DLG2: variants seen among roughly 807,000 people sequenced by gnomAD.
DLG2 encodes the protein disks large homolog 2.
Under a neutral mutation model 132.5 loss-of-function variants are expected in DLG2, and 45 were observed. That is an observed-to-expected ratio of 0.34 (90% CI 0.27 to 0.44). The LOEUF is 0.44. Ranked by LOEUF, DLG2 falls within the 20% of genes least tolerant of loss-of-function variation. The probability of loss-of-function intolerance (pLI) is 1.00; values close to 1 mark genes in which losing one functional copy is unlikely to be tolerated. For missense variants in DLG2, 1,045 were observed against 1,196.9 expected (o/e 0.87, Z 1.87); for synonymous variants, 424 against 419.6 (o/e 1.01, Z -0.13).
intron 3 of DLG2, among the ~76,000 whole-genome samples, chr11:85,330,757 C>T (rs2081648846): frequency 9.1e-6 from 1 of 109,924 alleles, no homozygotes; most frequent in Non-Finnish European, 1.8e-5. Flanking sequence ...TGCACATGTA[C>T]CCTAAAACTT....
At chr11:84,182,268 G>C (rs1462234721) in intron 8 of DLG2, among the ~76,000 whole-genome samples, 1 of 151,934 alleles carries the variant, frequency 6.6e-6, no homozygotes, top group African/African-American at 2.4e-5. Context: ...ATGGGTAAAA[G>C]AAGAAATCTG....
intron 18 of DLG2, among the ~76,000 whole-genome samples, chr11:83,690,927 C>T (rs1043137498): frequency 1.2e-4 from 18 of 152,166 alleles, no homozygotes; most frequent in African/African-American, 4.1e-4. Flanking sequence ...TTGTCTATGG[C>T]TGCTTTTGCA....
chr11:85,401,945 C>G (rs1384914812), intron 3 of DLG2, among the ~76,000 whole-genome samples: 1 of 151,568 alleles, frequency 6.6e-6, no homozygotes. Flanking sequence ...AATGCCATCC[C>G]CATCAAGCTA....
chr11:83,989,875 C>A (rs759796248), intron 11 of DLG2, among the ~76,000 whole-genome samples: 1 of 152,026 alleles, frequency 6.6e-6, no homozygotes, highest in African/African-American at 2.4e-5. Flanking sequence ...ATACTGATTT[C>A]GGGGAAGTGA....
intron 3 of DLG2, among the ~76,000 whole-genome samples, chr11:85,379,069 G>C (rs1001449900): frequency 5.3e-5 from 8 of 152,082 alleles, no homozygotes; most frequent in African/African-American, 1.9e-4. Context: ...GCAAATCATT[G>C]AAATATTTCA....
Position 85,046,394 on chromosome 11 carries a change from G to T in DLG2, c.357+65267C>A, listed in dbSNP as rs372121183. On this transcript the variant is annotated intron_variant, in intron 6 of 27. Coordinates refer to ENST00000376104, the MANE Select transcript of DLG2 (RefSeq NM_001142699.3). ...CATAGAAATGGAATTATGAGGATAGGCTAGAAACTTTTCAGATGAGGCAAA... is the reference window on the plus strand; with the variant it reads ...CATAGAAATGGAATTATGAGGATAGTCTAGAAACTTTTCAGATGAGGCAAA... Among the ~76,000 whole-genome samples the T allele has an allele frequency of 1.4e-4, 21 of 152,044 alleles. No homozygotes were observed. The East Asian group carries it at 3.7e-3, about 27-fold the overall frequency.
At chr11:84,429,352 C>G (rs942321163) in intron 7 of DLG2, among the ~76,000 whole-genome samples, 1 of 152,136 alleles carries the variant, frequency 6.6e-6, no homozygotes, top group Non-Finnish European at 1.5e-5. Flanking sequence ...TGCAGATGAA[C>G]TCAGGCCCAT....
chr11:83,608,229 C>T (rs2059616562), intron 19 of DLG2, among the ~76,000 whole-genome samples: 1 of 152,090 alleles, frequency 6.6e-6, no homozygotes, highest in Non-Finnish European at 1.5e-5. Flanking sequence ...TTAGCCTAGC[C>T]TACATTAAAT....
intron 3 of DLG2, among the ~76,000 whole-genome samples, chr11:85,325,052 C>T (rs1254487664): frequency 2.1e-5 from 3 of 140,740 alleles, no homozygotes; most frequent in Non-Finnish European, 3.1e-5. Flanking sequence ...CCGAATATTG[C>T]GCTTTTCAGA....
intron 18 of DLG2, among the ~76,000 whole-genome samples, chr11:83,730,148 T>G (rs957476062): frequency 2.0e-5 from 2 of 97,684 alleles, no homozygotes; most frequent in Non-Finnish European, 5.3e-5. Flanking sequence ...TTTTTATGGT[T>G]TTTTTTTTTT....
At chr11:84,422,131 C>T (rs2098953014) in intron 7 of DLG2, among the ~76,000 whole-genome samples, 1 of 152,192 alleles carries the variant, frequency 6.6e-6, no homozygotes, top group African/African-American at 2.4e-5. Flanking sequence ...AATTATGTCT[C>T]TTTTATTTTT....
chr11:84,252,986 G>C (rs999673631), intron 7 of DLG2, among the ~76,000 whole-genome samples: 1 of 152,092 alleles, frequency 6.6e-6, no homozygotes, highest in Non-Finnish European at 1.5e-5. Context: ...TAGCAATCCA[G>C]CAGGTTTTAC....
Position 84,892,275 on chromosome 11 carries a change from C to T in DLG2, c.357+219386G>A, listed in dbSNP as rs150390891. Among the ~76,000 whole-genome samples, 319 of 152,254 alleles carry T rather than the reference C, an allele frequency of 2.1e-3. 1 individual carries two copies. Among genetic ancestry groups the T allele is most frequent in the Admixed American group, 7.1e-3 (108 of 15,284 alleles). On this transcript the variant is annotated intron_variant, in intron 6 of 27. Coordinates refer to ENST00000376104, the MANE Select transcript of DLG2 (RefSeq NM_001142699.3). ...ATTGGGATGTGCAGGATGGCATGGT[C>T]ATGCCAAACTCAAAAGCTGTTAGAA...
At chr11:83,740,372 A>G (rs993437269) in intron 18 of DLG2, among the ~76,000 whole-genome samples, 1 of 152,220 alleles carries the variant, frequency 6.6e-6, no homozygotes, top group Non-Finnish European at 1.5e-5. Context: ...GATCTTCACA[A>G]GCATCAAGCT....
chr11:84,934,662 T>C lies in DLG2; in HGVS notation c.357+176999A>G, dbSNP rs547160959. ...CATAAACTAGCAAATCTAGAAGAAA[T>C]GGATAAATTCCTGGACACATACGCC... On this transcript the variant is annotated intron_variant, in intron 6 of 27. Transcript: ENST00000376104. 7.3e-5 allele frequency among the ~76,000 whole-genome samples: 11 copies of C among 151,172 alleles called. 1 individual carries two copies. The highest frequency in any genetic ancestry group is 2.7e-4 in the African/African-American group (11 of 41,218).
At chr11:84,941,514 T>G (rs2049419519) in intron 6 of DLG2, among the ~76,000 whole-genome samples, 1 of 152,164 alleles carries the variant, frequency 6.6e-6, no homozygotes, top group Non-Finnish European at 1.5e-5. Flanking sequence ...TTCAATTGAT[T>G]TGATGTATCA....
chr11:84,031,802 C>T (rs1369652642), intron 11 of DLG2, among the ~76,000 whole-genome samples: 1 of 152,136 alleles, frequency 6.6e-6, no homozygotes, highest in East Asian at 1.9e-4. Context: ...AAAGTTTGTG[C>T]TAACCCTGCA....
chr11:83,750,401 G>A (rs531445538), intron 18 of DLG2, among the ~76,000 whole-genome samples: 3 of 152,180 alleles, frequency 2.0e-5, no homozygotes, highest in East Asian at 1.9e-4. Flanking sequence ...GAGTCTTCTG[G>A]TTAATCAAAT....
At chr11:83,780,134 G>A (rs936736398) in intron 18 of DLG2, among the ~76,000 whole-genome samples, 6 of 152,178 alleles carry the variant, frequency 3.9e-5, no homozygotes, top group Non-Finnish European at 8.8e-5. Flanking sequence ...ATATGCATAA[G>A]CCTACATAGA....
Sources: gnomAD v4.1 joint callset for allele counts (sites outside exome capture counted in the v4.1 genomes callset) on GRCh38, gnomAD v4.1.1 for gene constraint, MANE v1.5 for transcripts, NCBI Gene and HGNC (gene_info 2026-07-23, HGNC 2026-07-21) for gene names.